The following DSCAM variants were observed in gnomAD, a reference collection of about 807,000 sequenced individuals.
DSCAM encodes DS cell adhesion molecule, also known as cell adhesion molecule DSCAM.
A neutral mutation model predicts 217.7 loss-of-function variants in DSCAM; 47 were observed. That is an observed-to-expected ratio of 0.22 (90% confidence interval 0.17 to 0.28). The LOEUF is 0.28. Among genes scored for constraint, DSCAM ranks in the 10% least tolerant of loss-of-function variants. The pLI is 1.00. For missense variants in DSCAM, 2,080 were observed against 2,618.3 expected (o/e 0.79, Z 4.49); for synonymous variants, 1,056 against 1,015.3 (o/e 1.04, Z -0.76).
chr21:40,238,033 A>G (rs1474474325), intron 11 of DSCAM, among the ~76,000 whole-genome samples: 18 of 152,334 alleles, frequency 1.2e-4, no homozygotes, highest in Admixed American at 9.1e-4. Context: ...TTTTCTGTCT[A>G]CCAAAGAGCT....
intron 3 of DSCAM, among the ~76,000 whole-genome samples, chr21:40,452,149 T>C (rs910369319): frequency 1.3e-5 from 2 of 151,964 alleles, no homozygotes; most frequent in Non-Finnish European, 2.9e-5. Flanking sequence ...GAACACTGTA[T>C]AGATACACAG....
chr21:40,081,052 A>C (rs1468902912), intron 24 of DSCAM, among the ~76,000 whole-genome samples: 1 of 152,220 alleles, frequency 6.6e-6, no homozygotes, highest in Admixed American at 6.5e-5. Context: ...ACTCTCCCAC[A>C]GAACACGTGG....
chr21:40,116,696 T>TA (rs566636841), intron 20 of DSCAM, among the ~76,000 whole-genome samples: 379 of 142,904 alleles, frequency 2.7e-3, no homozygotes, highest in African/African-American at 5.8e-3. Context: ...TTTCCATTAT[T>TA]AAAAAAAAAA....
chr21:40,645,032 T>TG (rs1374067048), intron 3 of DSCAM, among the ~76,000 whole-genome samples: 1 of 152,232 alleles, frequency 6.6e-6, no homozygotes, highest in African/African-American at 2.4e-5. Context: ...CTTCAGGTTT[T>TG]GGCCACAGAA....
Position 40,701,227 on chromosome 21 carries a change from T to A in DSCAM, c.361+7227A>T, listed in dbSNP as rs150439248. Among the ~76,000 whole-genome samples, 574 of 152,334 alleles carry A rather than the reference T, an allele frequency of 3.8e-3. 6 individuals carry two copies. The highest frequency in any genetic ancestry group is 0.013 in the African/African-American group (546 of 41,578). On this transcript the variant is annotated intron_variant, in intron 2 of 32. Transcript: ENST00000400454. ...GTTTCTCAAAAAATATTTTATTTCA[T>A]CTACTTTTCTTAATGTTCTCTTAGT...
At chr21:40,247,757 T>A (rs1026118122) in intron 11 of DSCAM, among the ~76,000 whole-genome samples, 4 of 152,220 alleles carry the variant, frequency 2.6e-5, no homozygotes, top group Admixed American at 2.0e-4. Flanking sequence ...ACAGTAGCCC[T>A]CTTCTCACAG....
intron 19 of DSCAM, among the ~76,000 whole-genome samples, chr21:40,130,041 A>C (rs1286882977): frequency 6.6e-6 from 1 of 152,172 alleles, no homozygotes; most frequent in Non-Finnish European, 1.5e-5. Context: ...ATGTACCTTC[A>C]GAGTTAGGTG....
chr21:40,768,185 T>C (rs2091412651), intron 1 of DSCAM, among the ~76,000 whole-genome samples: 1 of 151,996 alleles, frequency 6.6e-6, no homozygotes, highest in African/African-American at 2.4e-5. Context: ...TGCACCCAGA[T>C]TGCACCCCAG....
rs1453649966 is a variant in DSCAM at position 40,103,434 on chromosome 21, T to C, written c.3697-9560A>G. 2.0e-5 allele frequency among the ~76,000 whole-genome samples: 3 copies of C among 152,248 alleles called. No individual in the cohort carries two copies. The East Asian group carries it at 5.8e-4, about 29-fold the overall frequency. On this transcript the variant is annotated intron_variant, in intron 20 of 32. Transcript: ENST00000400454. Reference sequence around the variant, plus strand: ...ATCTTCTTGTTTAGTGGCAAAGAAATGGCCTGGATTCCATTAAGAATTAGC... The same window carrying C: ...ATCTTCTTGTTTAGTGGCAAAGAAACGGCCTGGATTCCATTAAGAATTAGC...
At chr21:40,105,866 G>A (rs963673119) in intron 20 of DSCAM, among the ~76,000 whole-genome samples, 1 of 152,186 alleles carries the variant, frequency 6.6e-6, no homozygotes, top group Non-Finnish European at 1.5e-5. Flanking sequence ...AGATAATCAT[G>A]TAGTTTTTGT....
At position 40,065,911 on chromosome 21, in the gene DSCAM, T is replaced by C. The variant is rs528474773; in HGVS notation, c.4889-3012A>G. On this transcript the variant is annotated intron_variant, in intron 27 of 32. Transcript: ENST00000400454. ...AGCACAGAGAACCCACCTTCCGTGCTGGTCCAAGCTGTCATCCGGCTCCGC... is the reference window on the plus strand; with the variant it reads ...AGCACAGAGAACCCACCTTCCGTGCCGGTCCAAGCTGTCATCCGGCTCCGC... Among the ~76,000 whole-genome samples, 1,053 of 152,312 alleles carry C rather than the reference T, an allele frequency of 6.9e-3. 14 individuals carry two copies. Among genetic ancestry groups the C allele is most frequent in the African/African-American group, 0.023 (973 of 41,554 alleles).
chr21:40,085,695 G>A lies in DSCAM; in HGVS notation c.4039C>T (p.Arg1347Cys), dbSNP rs765825981. The change falls in exon 23 of 33, where the codon CGC becomes TGC. Residue 1347 changes from arginine (R) to cysteine (C), a missense_variant. Arg to Cys is a radical substitution (Grantham distance 180, BLOSUM62 -3). Coordinates refer to ENST00000400454, the MANE Select transcript of DSCAM (RefSeq NM_001389.5). Reference sequence around the variant, plus strand: ...CCGGAGTCTTCTGCTTTCACCGTGCGAATAATGAAGCTTCCGTTGCTAAAG... The same window carrying A: ...CCGGAGTCTTCTGCTTTCACCGTGCAAATAATGAAGCTTCCGTTGCTAAAG... ...SIFSNGSFII[R>C]TVKAEDSGYY... 8 of 1,589,468 alleles carry A rather than the reference G, an allele frequency of 5.0e-6. No individual in the cohort carries two copies. The highest frequency in any genetic ancestry group is 3.4e-5 in the Admixed American group (2 of 59,618).
At position 40,761,078 on chromosome 21, in the gene DSCAM, G is replaced by A. The variant is rs369157946; in HGVS notation, c.44-52307C>T. Among the ~76,000 whole-genome samples the A allele has an allele frequency of 3.3e-4, 51 of 152,284 alleles. No homozygotes were observed. The East Asian group carries it at 9.3e-3, about 28-fold the overall frequency. On this transcript the variant is annotated intron_variant, in intron 1 of 32. Transcript: ENST00000400454. ...TCACCTAACCAGGCAATTCCTTATGGAAAGAGTCAGTCTGGTATCTGAACT... is the reference window on the plus strand; with the variant it reads ...TCACCTAACCAGGCAATTCCTTATGAAAAGAGTCAGTCTGGTATCTGAACT...
Position 40,093,790 on chromosome 21 carries a change from C to G in DSCAM, c.3781G>C (p.Val1261Leu), listed in dbSNP as rs199595481. The change falls in exon 21 of 33, where the codon GTG becomes CTG. Residue 1261 changes from valine to leucine, a missense_variant. Coordinates refer to ENST00000400454, the MANE Select transcript of DSCAM (RefSeq NM_001389.5). ...LSRNRQYSVW[V>L]VAVTSAGRGN... ...CTTCCGGCTGAAGTAACAGCCACCACCCAGACGCTGTACTGACGATTCCTA... is the reference window on the plus strand; with the variant it reads ...CTTCCGGCTGAAGTAACAGCCACCAGCCAGACGCTGTACTGACGATTCCTA... 1.9e-5 allele frequency: 30 copies of G among 1,613,912 alleles called. No homozygotes were observed. The highest frequency in any genetic ancestry group is 2.5e-5 in the Non-Finnish European group (30 of 1,179,980).
intron 1 of DSCAM, among the ~76,000 whole-genome samples, chr21:40,795,190 C>T (rs1443217346): frequency 6.6e-6 from 1 of 152,222 alleles, no homozygotes; most frequent in Non-Finnish European, 1.5e-5. Context: ...TCCACAATTG[C>T]CTGGACTGAT....
At chr21:40,018,498 G>A (rs907423167) in intron 32 of DSCAM, among the ~76,000 whole-genome samples, 3 of 152,222 alleles carry the variant, frequency 2.0e-5, no homozygotes, top group East Asian at 1.9e-4. Context: ...AATCACGAAC[G>A]CTTGACATAT....
intron 3 of DSCAM, among the ~76,000 whole-genome samples, chr21:40,411,650 G>A (rs73359139): frequency 0.047 from 7,127 of 152,174 alleles, 380 homozygotes; most frequent in Admixed American, 0.16. Flanking sequence ...AACCATTGAT[G>A]TGAAATAGAT....
At chr21:40,410,633 C>A (rs2075314418) in intron 3 of DSCAM, among the ~76,000 whole-genome samples, 1 of 150,274 alleles carries the variant, frequency 6.7e-6, no homozygotes. Flanking sequence ...CTAAAGGGGC[C>A]AGGGTTAAAT....
intron 1 of DSCAM, among the ~76,000 whole-genome samples, chr21:40,714,129 G>A (rs1398246293): frequency 2.0e-5 from 3 of 152,140 alleles, no homozygotes; most frequent in African/African-American, 2.4e-5. Flanking sequence ...GAAAGCCTGC[G>A]GCCCTGGGCA....
Sources: gnomAD v4.1 joint callset for allele counts (sites outside exome capture counted in the v4.1 genomes callset) on GRCh38, gnomAD v4.1.1 for gene constraint, MANE v1.5 for transcripts, NCBI Gene and HGNC (gene_info 2026-07-23, HGNC 2026-07-21) for gene names.